Variants in SVIL observed in about 807,000 individuals in gnomAD.
SVIL encodes the protein archvillin.
Under a neutral mutation model 240.4 loss-of-function variants are expected in SVIL, and 101 were observed. That is an observed-to-expected ratio of 0.42 (90% confidence interval 0.36 to 0.50). The LOEUF (loss-of-function observed/expected upper bound fraction) is 0.50. Ranked by LOEUF, SVIL falls within the 20% of genes least tolerant of loss-of-function variation. The pLI is 0.01. For synonymous variants in SVIL, 999 were observed against 1,100.0 expected (o/e 0.91, Z 1.82); for missense variants, 2,512 against 2,818.7 (o/e 0.89, Z 2.46).
intron 1 of SVIL, among the ~76,000 whole-genome samples, chr10:29,720,571 T>C (rs979691505): frequency 4.6e-5 from 7 of 152,154 alleles, no homozygotes; most frequent in Admixed American, 2.0e-4. Flanking sequence ...GGTAGAAATA[T>C]GGATATACAC....
chr10:29,667,914 A>T (rs1005445970), intron 2 of SVIL, among the ~76,000 whole-genome samples: 9 of 152,110 alleles, frequency 5.9e-5, no homozygotes, highest in African/African-American at 1.9e-4. Flanking sequence ...TATATGAGTT[A>T]TATACCAATA....
intron 1 of SVIL, among the ~76,000 whole-genome samples, chr10:29,632,596 A>G (rs1459873686): frequency 6.6e-6 from 1 of 152,200 alleles, no homozygotes; most frequent in Non-Finnish European, 1.5e-5. Context: ...AAGTCTGTTT[A>G]TCACAAAACA....
intron 1 of SVIL, among the ~76,000 whole-genome samples, chr10:29,707,057 T>A (rs915374924): frequency 6.6e-6 from 1 of 152,358 alleles, no homozygotes; most frequent in Admixed American, 6.5e-5. Context: ...TAATATAGCT[T>A]GAAGTCAGGT....
At chr10:29,734,389 C>A (rs991572558) in intron 1 of SVIL, among the ~76,000 whole-genome samples, 3 of 152,094 alleles carry the variant, frequency 2.0e-5, no homozygotes, top group Non-Finnish European at 4.4e-5. Flanking sequence ...CTTCAGTAAC[C>A]GACTTTGTCA....
chr10:29,478,458 A>C lies in SVIL; in HGVS notation c.5377+2079T>G, dbSNP rs547455556. Among the ~76,000 whole-genome samples the C allele has an allele frequency of 4.6e-5, 7 of 152,274 alleles. No individual in the cohort carries two copies. The East Asian group carries it at 1.4e-3, about 29-fold the overall frequency. On this transcript the variant is annotated intron_variant, in intron 29 of 37. Transcript: ENST00000355867. ...TAAAGTCCTGTGAGCTGAGTACTAT[A>C]ATCCCTATTTTCCAGGTGAGAAAAC...
chr10:29,555,041 A>C lies in SVIL; in HGVS notation c.8+10T>G. On this transcript the variant is annotated intron_variant, in intron 4 of 37. Coordinates refer to ENST00000355867, the MANE Select transcript of SVIL (RefSeq NM_021738.3). Reference sequence around the variant, plus strand: ...CTTCTACTTCCTAACTCCCACTATAAAGATCTTACCTTTTCATTTCTAAGA... The same window carrying C: ...CTTCTACTTCCTAACTCCCACTATACAGATCTTACCTTTTCATTTCTAAGA... The C allele has an allele frequency of 6.2e-7, 1 of 1,613,214 alleles. No homozygotes were observed. Among genetic ancestry groups the C allele is most frequent in the African/African-American group, 1.3e-5 (1 of 74,942 alleles).
At position 29,549,027 on chromosome 10, in the gene SVIL, A is replaced by C. The variant is rs568257703; in HGVS notation, c.827+1570T>G. On this transcript the variant is annotated intron_variant, in intron 6 of 37. Transcript: ENST00000355867. ...CAAAATTGACAAATGGGATCTAATT[A>C]AACTAAAGAGCTTCTGCACAGCAAA... 8.8e-3 allele frequency among the ~76,000 whole-genome samples: 1,332 copies of C among 151,754 alleles called. 10 individuals are homozygous for C. The highest frequency in any genetic ancestry group is 0.016 in the Non-Finnish European group (1,078 of 67,908).
chr10:29,529,721 C>T lies in SVIL; in HGVS notation c.2230G>A (p.Val744Met), dbSNP rs1306040570. ...GGCACTTACGTGGCTGCGATGACCACCTCTTCAGTGGTGATGGGCTGGGTG... is the reference window on the plus strand; with the variant it reads ...GGCACTTACGTGGCTGCGATGACCATCTCTTCAGTGGTGATGGGCTGGGTG... The part of the protein sequence containing the change: ...SLTQPITTEE[V>M]VIAATEPIPA... Residue 744 changes from valine to methionine, a missense_variant, in exon 12 of 38, where the codon GTG (valine) becomes ATG (methionine). Val to Met is a conservative substitution (Grantham distance 21, BLOSUM62 1). Around this residue, in one of 3 missense-constraint regions of SVIL, gnomAD observed 1,443 missense variants for 1,486.6 expected, o/e 0.97. Coordinates refer to ENST00000355867, the MANE Select transcript of SVIL (RefSeq NM_021738.3). 1.9e-6 allele frequency: 3 copies of T among 1,609,070 alleles called. No homozygotes were observed. The highest frequency in any genetic ancestry group is 2.5e-6 in the Non-Finnish European group (3 of 1,178,274).
intron 1 of SVIL, among the ~76,000 whole-genome samples, chr10:29,728,802 C>A (rs558028496): frequency 6.6e-6 from 1 of 152,224 alleles, no homozygotes; most frequent in South Asian, 2.1e-4. Flanking sequence ...GGGAAACTTA[C>A]CCCAAGTCAA....
intron 1 of SVIL, chr10:29,575,429 C>T (rs1163773203): frequency 9.4e-6 from 2 of 211,796 alleles, no homozygotes; most frequent in Non-Finnish European, 2.0e-5. Flanking sequence ...TCTTAGTTTC[C>T]TTCTGTGGAG....
chr10:29,490,323 G>A (rs1263572052), intron 22 of SVIL, among the ~76,000 whole-genome samples: 2 of 152,156 alleles, frequency 1.3e-5, no homozygotes, highest in African/African-American at 4.8e-5. Flanking sequence ...TTTACTATAA[G>A]AGATCAAACG....
intron 29 of SVIL, among the ~76,000 whole-genome samples, chr10:29,479,344 G>A (rs1946574872): frequency 6.6e-6 from 1 of 152,204 alleles, no homozygotes; most frequent in Non-Finnish European, 1.5e-5. Context: ...CAGGTTCCTT[G>A]ATCTTACTGT....
intron 1 of SVIL, among the ~76,000 whole-genome samples, chr10:29,610,366 G>T (rs1319564539): frequency 6.6e-6 from 1 of 151,400 alleles, no homozygotes; most frequent in Non-Finnish European, 1.5e-5. Flanking sequence ...GACTCCCAAG[G>T]TTTGCCATTG....
upstream of SVIL, among the ~76,000 whole-genome samples, chr10:29,639,591 C>A (rs1188021728): frequency 2.0e-5 from 3 of 151,834 alleles, no homozygotes; most frequent in Non-Finnish European, 2.9e-5. Context: ...ACCTCAGCCT[C>A]CCAAGTAGCT....
intron 1 of SVIL, among the ~76,000 whole-genome samples, chr10:29,628,670 C>T (rs577448277): frequency 6.6e-6 from 1 of 152,282 alleles, no homozygotes; most frequent in South Asian, 2.1e-4. Context: ...GATACAAATT[C>T]TCACACAGCT....
At chr10:29,527,196 A>G in intron 12 of SVIL, 140 bp from the exon 13 acceptor site, 2 of 808,888 alleles carry the variant, frequency 2.5e-6, no homozygotes, top group Non-Finnish European at 1.9e-6. Context: ...TTGGGGAGAA[A>G]AAATCACGAA....
chr10:29,676,669 C>T (rs1047137296), intron 2 of SVIL, among the ~76,000 whole-genome samples: 8 of 152,108 alleles, frequency 5.3e-5, no homozygotes, highest in African/African-American at 7.2e-5. Flanking sequence ...CTTAAGGGGC[C>T]GGAGCAGCTG....
At chr10:29,555,612 T>C (rs1953854474) in intron 3 of SVIL, among the ~76,000 whole-genome samples, 1 of 152,178 alleles carries the variant, frequency 6.6e-6, no homozygotes, top group Non-Finnish European at 1.5e-5. Context: ...TCCTACAGGG[T>C]AAGGCAGAAG....
At chr10:29,512,581 A>T (rs1180528844) in intron 17 of SVIL, among the ~76,000 whole-genome samples, 154 bp downstream of exon 17, 1 of 152,200 alleles carries the variant, frequency 6.6e-6, no homozygotes, top group Non-Finnish European at 1.5e-5. Context: ...GCCCAATTTT[A>T]GCTGCTCTGT....
Sources: gnomAD v4.1 joint callset for allele counts (sites outside exome capture counted in the v4.1 genomes callset) on GRCh38, gnomAD v4.1.1 for gene constraint, gnomAD v4.1.1 regional missense constraint, MANE v1.5 for transcripts, NCBI Gene and HGNC (gene_info 2026-07-23, HGNC 2026-07-21) for gene names.